BABAM2: variants seen among roughly 807,000 people sequenced by gnomAD.
BABAM2 encodes the protein BRISC and BRCA1 A complex member 2, also known as BRISC and BRCA1-A complex member 2.
BABAM2 carries 31 observed loss-of-function variants against 54.7 expected under a neutral mutation model. The ratio of observed to expected loss-of-function variants is 0.57; its 90% CI spans 0.43 to 0.77. The LOEUF (loss-of-function observed/expected upper bound fraction) is 0.77. Among genes scored for constraint, BABAM2 ranks in the 30% least tolerant of loss-of-function variants. The pLI is 0.00. For missense variants in BABAM2, 364 were observed against 455.8 expected, an observed-to-expected ratio of 0.80 and a Z score of 1.83; for synonymous variants, 167 against 162.9, an observed-to-expected ratio of 1.03 and a Z score of -0.19.
intron 11 of BABAM2, among the ~76,000 whole-genome samples, chr2:28,301,364 T>G (rs958562317): frequency 6.6e-6 from 1 of 152,244 alleles, no homozygotes; most frequent in Non-Finnish European, 1.5e-5. Flanking sequence ...TAGCAGATTC[T>G]GTCCCTCGCA....
At chr2:28,043,423 C>T (rs1450094976) in intron 5 of BABAM2, among the ~76,000 whole-genome samples, 1 of 152,176 alleles carries the variant, frequency 6.6e-6, no homozygotes, top group African/African-American at 2.4e-5. Flanking sequence ...GCCAATGTGC[C>T]TGGCCTGGAG....
intron 11 of BABAM2, among the ~76,000 whole-genome samples, chr2:28,336,592 C>T (rs1171660621): frequency 6.6e-6 from 1 of 152,252 alleles, no homozygotes; most frequent in African/African-American, 2.4e-5. Flanking sequence ...ACAGCTGTGG[C>T]ACCACATGTC....
intron 7 of BABAM2, among the ~76,000 whole-genome samples, chr2:28,151,247 G>A (rs1573692732): frequency 1.3e-5 from 2 of 152,168 alleles, no homozygotes; most frequent in South Asian, 4.1e-4. Context: ...AGCCAGACCA[G>A]CTCCTCTTGA....
At chr2:27,980,371 C>T (rs1573317471) in intron 3 of BABAM2, among the ~76,000 whole-genome samples, 1 of 152,314 alleles carries the variant, frequency 6.6e-6, no homozygotes, top group Middle Eastern at 3.4e-3. Context: ...GGTCTTTTCT[C>T]TACTGTCTCT....
intron 7 of BABAM2, among the ~76,000 whole-genome samples, chr2:28,221,361 C>T (rs930647052): frequency 2.0e-5 from 3 of 152,172 alleles, no homozygotes; most frequent in African/African-American, 7.2e-5. Context: ...AGGGGGGAAA[C>T]ATGATTTACT....
chr2:28,306,995 C>CTT (rs143177903), intron 11 of BABAM2, among the ~76,000 whole-genome samples: 413 of 26,418 alleles, frequency 0.016, 127 homozygotes, highest in Non-Finnish European at 0.022. Flanking sequence ...CACACCTGGC[C>CTT]TTTTTTTTTT....
chr2:28,097,957 T>C (rs1359574984), intron 6 of BABAM2, among the ~76,000 whole-genome samples: 1 of 152,244 alleles, frequency 6.6e-6, no homozygotes, highest in Non-Finnish European at 1.5e-5. Context: ...TTCCAACTAA[T>C]ACCATATCTT....
chr2:27,892,998 T>C (rs1017096658), intron 1 of BABAM2, among the ~76,000 whole-genome samples: 6 of 152,346 alleles, frequency 3.9e-5, no homozygotes, highest in African/African-American at 1.4e-4. Flanking sequence ...ATTTATTACT[T>C]ACTATCTGAA....
intron 3 of BABAM2, among the ~76,000 whole-genome samples, chr2:27,967,768 T>C (rs907312517): frequency 6.6e-6 from 1 of 152,156 alleles, no homozygotes; most frequent in African/African-American, 2.4e-5. Flanking sequence ...GAGGAACTCA[T>C]TGGGAACTGG....
chr2:27,984,311 G>A (rs1672237666), intron 3 of BABAM2, among the ~76,000 whole-genome samples: 1 of 152,160 alleles, frequency 6.6e-6, no homozygotes, highest in Non-Finnish European at 1.5e-5. Flanking sequence ...CATCTCTAAA[G>A]TATGTTCCTT....
intron 6 of BABAM2, among the ~76,000 whole-genome samples, chr2:28,106,763 G>A (rs1380749596): frequency 6.6e-6 from 1 of 152,104 alleles, no homozygotes; most frequent in Non-Finnish European, 1.5e-5. Flanking sequence ...TTTTGGGAAG[G>A]TCCTTTGAAA....
intron 6 of BABAM2, among the ~76,000 whole-genome samples, chr2:28,102,159 G>A (rs1667138313): frequency 1.3e-5 from 2 of 152,208 alleles, no homozygotes; most frequent in African/African-American, 2.4e-5. Context: ...TCCTAGAATA[G>A]TGCCTGACAC....
intron 6 of BABAM2, among the ~76,000 whole-genome samples, chr2:28,076,481 TTTAGTTAG>T (rs148940632): frequency 1.5e-3 from 225 of 146,522 alleles, no homozygotes; most frequent in African/African-American, 5.6e-3. Context: ...TATTTATTTA[TTTAGTTAG>T]TTAGTTAGTT....
chr2:28,022,308 AT>A (rs1361867174), intron 4 of BABAM2, among the ~76,000 whole-genome samples: 1 of 152,196 alleles, frequency 6.6e-6, no homozygotes, highest in East Asian at 1.9e-4. Context: ...CAAAACTGAT[AT>A]TTTAGTTAAC....
intron 3 of BABAM2, among the ~76,000 whole-genome samples, chr2:27,968,481 T>C (rs1275463044): frequency 1.3e-5 from 2 of 152,210 alleles, no homozygotes; most frequent in East Asian, 3.9e-4. Context: ...GAACCTCTGC[T>C]AGGGCAGTGC....
intron 5 of BABAM2, among the ~76,000 whole-genome samples, chr2:28,043,382 G>A (rs1677287879): frequency 6.6e-6 from 1 of 152,082 alleles, no homozygotes; most frequent in East Asian, 1.9e-4. Context: ...GCCTGCCTTG[G>A]CCTTGCAAAG....
chr2:28,009,292 T>A (rs758035644), intron 4 of BABAM2, among the ~76,000 whole-genome samples: 6 of 152,150 alleles, frequency 3.9e-5, no homozygotes, highest in Non-Finnish European at 7.4e-5. Flanking sequence ...GTTATTCTGA[T>A]GATAGCCAGT....
intron 6 of BABAM2, among the ~76,000 whole-genome samples, chr2:28,052,020 A>G (rs1678034538): frequency 6.6e-6 from 1 of 152,166 alleles, no homozygotes; most frequent in South Asian, 2.1e-4. Context: ...GAACCAAGAA[A>G]AAAAGCATTT....
At chr2:28,148,517 C>T (rs963353494) in intron 7 of BABAM2, among the ~76,000 whole-genome samples, 3 of 152,232 alleles carry the variant, frequency 2.0e-5, no homozygotes, top group Non-Finnish European at 2.9e-5. Flanking sequence ...TGCAGAACCA[C>T]ATTTTGGGGG....
Sources: allele counts gnomAD v4.1 joint callset (sites outside exome capture counted in the v4.1 genomes callset), GRCh38; gene constraint gnomAD v4.1.1; transcripts MANE v1.5; gene names NCBI Gene and HGNC (gene_info 2026-07-23, HGNC 2026-07-21).